Variants in CAMK2D observed in about 807,000 individuals in gnomAD.
CAMK2D encodes calcium/calmodulin-dependent protein kinase type II subunit delta.
Under a neutral mutation model 84.0 loss-of-function variants are expected in CAMK2D, and 37 were observed. That is an observed-to-expected ratio of 0.44 (90% CI 0.34 to 0.58). The LOEUF is 0.58. Among genes scored for constraint, CAMK2D ranks in the 20% least tolerant of loss-of-function variants. The probability of loss-of-function intolerance (pLI) is 0.02; values close to 1 mark genes in which losing one functional copy is unlikely to be tolerated. For missense variants in CAMK2D, 448 were observed against 652.5 expected, an observed-to-expected ratio of 0.69 and a Z score of 3.41; for synonymous variants, 202 against 212.5, an observed-to-expected ratio of 0.95 and a Z score of 0.43.
chr4:113,696,663 A>C lies in CAMK2D; in HGVS notation c.161-34891T>G, dbSNP rs188509925. 4.1e-3 allele frequency among the ~76,000 whole-genome samples: 629 copies of C among 152,262 alleles called. 2 individuals carry two copies. Among genetic ancestry groups the C allele is most frequent in the Middle Eastern group, 6.8e-3 (2 of 294 alleles). On this transcript the variant is annotated intron_variant, in intron 2 of 20. Coordinates refer to ENST00000511664, the MANE Select transcript of CAMK2D (RefSeq NM_001321571.2). ...GATAAAATATACACAGAAGCCGCAC[A>C]GTAATAATGGCTAACATTTGAATGC...
intron 4 of CAMK2D, among the ~76,000 whole-genome samples, chr4:113,598,084 T>C (rs2098935498): frequency 6.6e-6 from 1 of 152,122 alleles, no homozygotes; most frequent in Non-Finnish European, 1.5e-5. Context: ...AAGAGAATAT[T>C]GATGGAAAAG....
At chr4:113,742,483 A>G (rs1035362470) in intron 2 of CAMK2D, among the ~76,000 whole-genome samples, 9 of 152,176 alleles carry the variant, frequency 5.9e-5, no homozygotes, top group Admixed American at 5.9e-4. Context: ...AAAGAATAAT[A>G]AAGTGGAAAA....
At chr4:113,629,776 T>C (rs937700648) in intron 3 of CAMK2D, among the ~76,000 whole-genome samples, 15 of 146,942 alleles carry the variant, frequency 1.0e-4, no homozygotes, top group African/African-American at 3.6e-4. Flanking sequence ...AATTGGATTA[T>C]GTTCTTGGTA....
At chr4:113,549,246 G>A (rs2098606444) in intron 5 of CAMK2D, among the ~76,000 whole-genome samples, 1 of 152,156 alleles carries the variant, frequency 6.6e-6, no homozygotes, top group Non-Finnish European at 1.5e-5. Context: ...CGCCTTAGAA[G>A]CGTTGCTTTT....
chr4:113,736,130 A>AT (rs1400219788), intron 2 of CAMK2D, among the ~76,000 whole-genome samples: 1 of 15,980 alleles, frequency 6.3e-5, no homozygotes, highest in Non-Finnish European at 3.3e-4. Flanking sequence ...CACTAGTAGA[A>AT]TTAAAAAAAA....
intron 14 of CAMK2D, among the ~76,000 whole-genome samples, chr4:113,503,558 G>GT (rs1182010552): frequency 6.6e-6 from 1 of 152,090 alleles, no homozygotes; most frequent in Non-Finnish European, 1.5e-5. Flanking sequence ...CATTTAAAAA[G>GT]TTTAAGGGAC....
At chr4:113,529,599 T>C (rs1349464732) in intron 8 of CAMK2D, among the ~76,000 whole-genome samples, 1 of 152,132 alleles carries the variant, frequency 6.6e-6, no homozygotes, top group Admixed American at 6.6e-5. Context: ...CTTTCAGTCT[T>C]TCCTGTATTC....
chr4:113,677,610 T>C lies in CAMK2D; in HGVS notation c.161-15838A>G, dbSNP rs1165273617. On this transcript the variant is annotated intron_variant, in intron 2 of 20. Coordinates refer to ENST00000511664, the MANE Select transcript of CAMK2D (RefSeq NM_001321571.2). ...AAGAGTCAAGCGATGCAATACCATC[T>C]AAATAAGAAGGCCCATGTCAGTAGT... is the stretch of plus-strand genomic sequence containing the variant. 13 of 880,148 alleles carry C rather than the reference T, an allele frequency of 1.5e-5. No homozygotes were observed. In the African/African-American group the frequency reaches 2.0e-4, roughly 14 times the overall value. The allele number at this position is 880,148 out of a possible 1,614,324, so 54.5% of individuals were successfully genotyped here. A position where few individuals can be genotyped will look rare whatever the true frequency, so the allele number is the denominator to read the frequency against.
intron 2 of CAMK2D, among the ~76,000 whole-genome samples, chr4:113,713,074 G>A (rs2154355984): frequency 6.6e-6 from 1 of 151,978 alleles, no homozygotes; most frequent in South Asian, 2.1e-4. Flanking sequence ...TTTAACCATT[G>A]AATAATGTTT....
intron 2 of CAMK2D, among the ~76,000 whole-genome samples, chr4:113,677,217 T>C (rs747326004): frequency 7.9e-5 from 12 of 152,210 alleles, no homozygotes; most frequent in Non-Finnish European, 1.6e-4. Context: ...TTGGCTCACA[T>C]ACATAGCACA....
At chr4:113,639,322 T>C (rs2099122793) in intron 3 of CAMK2D, among the ~76,000 whole-genome samples, 1 of 152,104 alleles carries the variant, frequency 6.6e-6, no homozygotes, top group African/African-American at 2.4e-5. Context: ...ATAGGCAAGA[T>C]TATTATACCA....
intron 16 of CAMK2D, among the ~76,000 whole-genome samples, chr4:113,497,344 T>C (rs1388326802): frequency 6.6e-6 from 1 of 152,182 alleles, no homozygotes; most frequent in Non-Finnish European, 1.5e-5. Flanking sequence ...AATAAATATT[T>C]GCTGAATGAA....
chr4:113,497,008 G>A (rs1029352652), intron 16 of CAMK2D, among the ~76,000 whole-genome samples: 5 of 152,098 alleles, frequency 3.3e-5, no homozygotes, highest in African/African-American at 1.2e-4. Context: ...GAAAAATGTG[G>A]TTAGAGCTAA....
At chr4:113,632,227 T>C (rs1201924396) in intron 3 of CAMK2D, among the ~76,000 whole-genome samples, 5 of 151,908 alleles carry the variant, frequency 3.3e-5, no homozygotes, top group Non-Finnish European at 7.4e-5. Flanking sequence ...GTATTATCAT[T>C]ATTATTATTA....
At chr4:113,479,437 C>T (rs1042627370) in intron 16 of CAMK2D, among the ~76,000 whole-genome samples, 2 of 152,042 alleles carry the variant, frequency 1.3e-5, no homozygotes, top group Non-Finnish European at 2.9e-5. Flanking sequence ...TTAATAAGTA[C>T]AAAATATGTC....
chr4:113,749,683 A>C (rs1430712357), intron 2 of CAMK2D, among the ~76,000 whole-genome samples: 2 of 152,234 alleles, frequency 1.3e-5, no homozygotes, highest in Non-Finnish European at 2.9e-5. Context: ...CACACAGACC[A>C]TGAAAATGTT....
Position 113,759,307 on chromosome 4 carries a change from T to C in CAMK2D, c.160+13A>G, listed in dbSNP as rs747779765. The C allele has an allele frequency of 1.9e-6, 3 of 1,564,824 alleles. No homozygotes were observed. The highest frequency in any genetic ancestry group is 2.7e-5 in the African/African-American group (2 of 73,866). On this transcript the variant is annotated intron_variant, in intron 2 of 20. Transcript: ENST00000511664. Reference sequence around the variant, plus strand: ...TACAAAATTAACCAATATATGTGGTTGAAAATACCCACCCCTAGCAGAAAG... The same window carrying C: ...TACAAAATTAACCAATATATGTGGTCGAAAATACCCACCCCTAGCAGAAAG...
chr4:113,632,672 T>C (rs532256455), intron 3 of CAMK2D, among the ~76,000 whole-genome samples: 3 of 152,214 alleles, frequency 2.0e-5, no homozygotes, highest in South Asian at 2.1e-4. Flanking sequence ...ATAATATTCA[T>C]ATGACCTGTA....
intron 2 of CAMK2D, among the ~76,000 whole-genome samples, chr4:113,685,932 C>T (rs773237529): frequency 3.3e-5 from 5 of 151,880 alleles, no homozygotes; most frequent in Admixed American, 6.6e-5. Flanking sequence ...GATGTGGTGG[C>T]GCATGCCTGT....
Sources: gnomAD v4.1 joint callset for allele counts (sites outside exome capture counted in the v4.1 genomes callset) on GRCh38, gnomAD v4.1.1 for gene constraint, MANE v1.5 for transcripts, NCBI Gene and HGNC (gene_info 2026-07-23, HGNC 2026-07-21) for gene names.